The following SLC10A2 variants were observed in gnomAD, a reference collection of about 807,000 sequenced individuals.
SLC10A2 encodes ileal sodium/bile acid cotransporter.
SLC10A2 carries 34 observed loss-of-function variants against 27.1 expected under a neutral mutation model. The ratio of observed to expected loss-of-function variants is 1.26; its 90% CI spans 0.96 to 1.67. SLC10A2 has a LOEUF of 1.67. SLC10A2 is among the 40% of genes most tolerant of loss of function. The pLI is 0.00. For synonymous variants in SLC10A2, 205 were observed against 174.0 expected (o/e 1.18, Z -1.40); for missense variants, 530 against 444.4 (o/e 1.19, Z -1.73).
chr13:103,055,822 T>C (rs546414077), intron 2 of SLC10A2, among the ~76,000 whole-genome samples: 1 of 152,332 alleles, frequency 6.6e-6, no homozygotes, highest in African/African-American at 2.4e-5. Context: ...AATAAGTACA[T>C]TCTATGTCCT....
At chr13:103,058,438 T>C in intron 1 of SLC10A2, 56 bp from the exon 2 acceptor site, 3 of 1,033,188 alleles carry the variant, frequency 2.9e-6, no homozygotes, top group Non-Finnish European at 4.6e-6. Flanking sequence ...GGGAAGATGC[T>C]GTTTTATTTT....
At position 103,058,964 on chromosome 13, in the gene SLC10A2, G is replaced by T. The variant is rs532727367; in HGVS notation, c.378-582C>A. Among the ~76,000 whole-genome samples the T allele has an allele frequency of 9.9e-5, 15 of 152,270 alleles. No homozygotes were observed. The East Asian group carries it at 2.1e-3, about 22-fold the overall frequency. On this transcript the variant is annotated intron_variant, in intron 1 of 5. Transcript: ENST00000245312. ...AATAGAACGATTTGTATTCTTTTGG[G>T]TATATACCCAGTAATGGGATTGATG...
intron 1 of SLC10A2, 140 bp from the exon 2 acceptor site, chr13:103,058,522 A>T: frequency 1.5e-6 from 1 of 679,044 alleles, no homozygotes; most frequent in Non-Finnish European, 2.7e-6. Flanking sequence ...AACTTGTGTC[A>T]TGGGGGTTTG....
chr13:103,047,106 A>G lies in SLC10A2; in HGVS notation c.920-846T>C, dbSNP rs370219425. 1.4e-4 allele frequency among the ~76,000 whole-genome samples: 22 copies of G among 152,334 alleles called. No individual in the cohort carries two copies. The South Asian group carries it at 4.6e-3, about 32-fold the overall frequency. The stretch of plus-strand genomic sequence containing the variant: ...CCCCTCGAATTCTAATACCTCACAT[A>G]TAAAATGGCCATAATAATATTAGCT... On this transcript the variant is annotated intron_variant, in intron 5 of 5. Coordinates refer to ENST00000245312, the MANE Select transcript of SLC10A2 (RefSeq NM_000452.3).
At chr13:103,055,261 T>A (rs140388922) in intron 2 of SLC10A2, among the ~76,000 whole-genome samples, 172 of 152,280 alleles carry the variant, frequency 1.1e-3, no homozygotes, top group African/African-American at 4.1e-3. Flanking sequence ...CACTTAAAAA[T>A]GTGGGGTAGA....
chr13:103,065,464 A>G (rs1287467568), intron 1 of SLC10A2, among the ~76,000 whole-genome samples: 1 of 152,198 alleles, frequency 6.6e-6, no homozygotes. Context: ...TTTGACAAAC[A>G]GTTTTATTTT....
chr13:103,052,783 C>A, intron 2 of SLC10A2, 75 bp from the exon 3 acceptor site: 1 of 919,834 alleles, frequency 1.1e-6, no homozygotes, highest in Non-Finnish European at 1.8e-6. Context: ...GAACAAGCAG[C>A]CTGAAGAAAG....
intron 2 of SLC10A2, among the ~76,000 whole-genome samples, chr13:103,053,040 G>C (rs1875832965): frequency 6.7e-6 from 1 of 149,834 alleles, no homozygotes; most frequent in Non-Finnish European, 1.5e-5. Flanking sequence ...GGCTTCTTTA[G>C]TCTTTGGATC....
At chr13:103,064,167 A>G (rs565898795) in intron 1 of SLC10A2, among the ~76,000 whole-genome samples, 1 of 152,242 alleles carries the variant, frequency 6.6e-6, no homozygotes, top group African/African-American at 2.4e-5. Context: ...TACAGGGCTT[A>G]TTTTGACTTG....
At chr13:103,047,668 A>T (rs1405287699) in intron 5 of SLC10A2, among the ~76,000 whole-genome samples, 2 of 152,000 alleles carry the variant, frequency 1.3e-5, no homozygotes, top group Non-Finnish European at 2.9e-5. Flanking sequence ...CTTAACAAAG[A>T]TTCCTCCCTT....
rs199714472 is a variant in SLC10A2, at chr13:103,051,282, T to C, written c.736A>G (p.Arg246Gly). 6.2e-7 allele frequency: 1 copy of C among 1,614,086 alleles called. No individual in the cohort carries two copies. Among genetic ancestry groups the C allele is most frequent in the East Asian group, 2.2e-5 (1 of 44,878 alleles). ...CTGTACCAGGGTAGACCAGCAATTC[T>C]AGCCAGAAGAAACCCCAGGGAGTAA... ...AGYSLGFLLARIAGLPWYRCR... is the reference protein window; with the variant it reads ...AGYSLGFLLAGIAGLPWYRCR... The change falls in exon 4 of 6, where the codon AGA (arginine) becomes GGA (glycine). Residue 246 changes from arginine to glycine, a missense_variant. Physicochemically the swap from Arg to Gly is moderately radical, Grantham distance 125. Coordinates refer to ENST00000245312, the MANE Select transcript of SLC10A2 (RefSeq NM_000452.3).
Position 103,049,391 on chromosome 13 carries a change from T to C in SLC10A2, c.817A>G (p.Ile273Val). 6.2e-7 allele frequency: 1 copy of C among 1,614,050 alleles called. No homozygotes were observed. Among genetic ancestry groups the C allele is most frequent in the South Asian group, 1.1e-5 (1 of 91,076 alleles). ...TCAGGAGTGAAGGAGAGCTGAACGA[T>C]GGTGGAACATAGCTGCGTGTTCTGC... is the stretch of plus-strand genomic sequence containing the variant. The part of the protein sequence containing the change: ...GMQNTQLCST[I>V]VQLSFTPEEL... Residue 273 changes from isoleucine (I) to valine (V), a missense_variant, in exon 5 of 6, where the codon ATC becomes GTC. Transcript: ENST00000245312.
rs1480820170 is a variant in SLC10A2, at chr13:103,044,697, A to T, written c.*1436T>A. Reference sequence around the variant, plus strand: ...GAACTCAGAACATGCAAATGCAAAAAGCCCTTTCAGCCAAAACACTTGAAA... The same window carrying T: ...GAACTCAGAACATGCAAATGCAAAATGCCCTTTCAGCCAAAACACTTGAAA... On this transcript the variant is annotated 3_prime_UTR_variant, in exon 6 of 6. Transcript: ENST00000245312. 1 of 152,224 alleles carries T rather than the reference A, an allele frequency of 6.6e-6. No individual in the cohort carries two copies. Among genetic ancestry groups the T allele is most frequent in the Admixed American group, 6.5e-5 (1 of 15,272 alleles). The allele number at this position is 152,224 out of a possible 1,614,324, so 9.4% of individuals were successfully genotyped here. A position where few individuals can be genotyped will look rare whatever the true frequency, so the allele number is the denominator to read the frequency against.
chr13:103,059,219 CT>C (rs1933590709), intron 1 of SLC10A2, among the ~76,000 whole-genome samples: 2 of 152,142 alleles, frequency 1.3e-5, no homozygotes, highest in African/African-American at 4.8e-5. Flanking sequence ...TGATGTTGAA[CT>C]TTTTTTCATA....
At chr13:103,064,123 A>G (rs1270556878) in intron 1 of SLC10A2, among the ~76,000 whole-genome samples, 1 of 152,132 alleles carries the variant, frequency 6.6e-6, no homozygotes, top group African/African-American at 2.4e-5. Context: ...GGTCTTGTTG[A>G]GCTCTGGATA....
intron 4 of SLC10A2, among the ~76,000 whole-genome samples, chr13:103,050,635 G>T (rs894460681): frequency 6.6e-6 from 1 of 152,256 alleles, no homozygotes; most frequent in African/African-American, 2.4e-5. Flanking sequence ...CTTGTAAGCC[G>T]AATGGTCCAG....
chr13:103,056,977 A>G (rs1595440735), intron 2 of SLC10A2, among the ~76,000 whole-genome samples: 1 of 152,214 alleles, frequency 6.6e-6, no homozygotes, highest in East Asian at 1.9e-4. Flanking sequence ...CAATCACCCT[A>G]AATCACAGAA....
At chr13:103,049,588 T>C (rs1435639077) in intron 4 of SLC10A2, 142 bp from the exon 5 acceptor site, 1 of 766,156 alleles carries the variant, frequency 1.3e-6, no homozygotes, top group East Asian at 2.9e-5. Flanking sequence ...ATTCAATATA[T>C]AACTTTCTAT....
intron 5 of SLC10A2, among the ~76,000 whole-genome samples, chr13:103,046,737 C>T (rs1291381415): frequency 1.3e-5 from 2 of 152,196 alleles, no homozygotes; most frequent in African/African-American, 4.8e-5. Context: ...AGAAGAGACT[C>T]GGCTGATGGG....
Sources: gnomAD v4.1 joint callset for allele counts (sites outside exome capture counted in the v4.1 genomes callset) on GRCh38, gnomAD v4.1.1 for gene constraint, MANE v1.5 for transcripts, NCBI Gene and HGNC (gene_info 2026-07-23, HGNC 2026-07-21) for gene names.